TMC4: variants seen among roughly 807,000 people sequenced by gnomAD.
TMC4 encodes transmembrane channel like 4, also known as voltage-gated chloride channel TMC4.
In TMC4, 70 loss-of-function variants were observed where a neutral mutation model predicts 82.0. The observed-to-expected ratio is 0.85, with a 90% CI of 0.70 to 1.04. The LOEUF (loss-of-function observed/expected upper bound fraction) is 1.04. TMC4 is among the 50% of genes least tolerant of loss of function. The probability of loss-of-function intolerance (pLI) is 0.00; values close to 1 mark genes in which losing one functional copy is unlikely to be tolerated. For missense variants in TMC4, 879 were observed against 899.0 expected (o/e 0.98, Z 0.28); for synonymous variants, 446 against 406.0 (o/e 1.10, Z -1.18).
At chr19:54,160,659 A>G in intron 13 of TMC4, 114 bp from the exon 14 acceptor site, 5 of 1,539,354 alleles carry the variant, frequency 3.2e-6, no homozygotes, top group African/African-American at 1.4e-5. Flanking sequence ...GTCTGGGCTC[A>G]AGGAGTTCAG....
rs940038411 is a variant in TMC4 at position 54,160,297 on chromosome 19, C to G, written c.*9G>C. On this transcript the variant is annotated 3_prime_UTR_variant, in exon 15 of 15. Coordinates refer to ENST00000619895, the MANE Select transcript of TMC4 (RefSeq NM_144686.4). Reference sequence around the variant, plus strand: ...CTGGGGTCTGAAAGCGGGACGTGGGCTGCGGGGGTCAAAGAGCCGGTTTGG... The same window carrying G: ...CTGGGGTCTGAAAGCGGGACGTGGGGTGCGGGGGTCAAAGAGCCGGTTTGG... The G allele has an allele frequency of 1.3e-6, 2 of 1,515,426 alleles. No individual in the cohort carries two copies. Among genetic ancestry groups the G allele is most frequent in the Non-Finnish European group, 1.8e-6 (2 of 1,133,002 alleles). The allele number at this position is 1,515,426 out of a possible 1,614,324, so 93.9% of individuals were successfully genotyped here.
At chr19:54,166,812 G>A (rs1188274806) in intron 5 of TMC4, among the ~76,000 whole-genome samples, 1 of 152,154 alleles carries the variant, frequency 6.6e-6, no homozygotes, top group African/African-American at 2.4e-5. Context: ...AATTAGCCGG[G>A]CATGGTGGCA....
At chr19:54,162,039 G>A (rs2075567102) in intron 11 of TMC4, 63 bp downstream of exon 11, 2 of 1,440,804 alleles carry the variant, frequency 1.4e-6, no homozygotes, top group African/African-American at 2.9e-5. Flanking sequence ...CCTTGCCCTT[G>A]ACCCAGGAGT....
At chr19:54,160,601 C>T (rs1211084568) in intron 13 of TMC4, 56 bp from the exon 14 acceptor site, 4 of 1,611,802 alleles carry the variant, frequency 2.5e-6, no homozygotes, top group Non-Finnish European at 3.4e-6. Context: ...TATATCCAAA[C>T]GTCTGGCTCC....
At chr19:54,161,379 G>C in intron 11 of TMC4, 119 bp from the exon 12 acceptor site, 1 of 1,193,012 alleles carries the variant, frequency 8.4e-7, no homozygotes, top group Non-Finnish European at 1.1e-6. Flanking sequence ...TTTTTTTTGA[G>C]ACAGAGTCTC....
At chr19:54,168,894 TCC>T (rs2075796210) in intron 3 of TMC4, among the ~76,000 whole-genome samples, 3 of 31,838 alleles carry the variant, frequency 9.4e-5, no homozygotes, top group African/African-American at 5.1e-4. Flanking sequence ...TTTCTTTCTT[TCC>T]TTTCTTTCTT....
chr19:54,167,188 C>T (rs182858727), intron 5 of TMC4, among the ~76,000 whole-genome samples: 4 of 152,166 alleles, frequency 2.6e-5, no homozygotes, highest in Non-Finnish European at 5.9e-5. Context: ...AGTTGAGTTC[C>T]GGAGGCCCAG....
rs1480413711 is a variant in TMC4, at chr19:54,169,523, T to C, written c.431A>G (p.Lys144Arg). ...AAACCCCACCGCACCCCCGATCCTC[T>C]TCAGTGTCCACGCCCAGGGCTGCAG... ...RSLQPWAWTLKRIGGQFGAGT... is the reference protein window; with the variant it reads ...RSLQPWAWTLRRIGGQFGAGT... The change falls in exon 3 of 15, where the codon AAG (lysine) becomes AGG (arginine). Residue 144 changes from lysine to arginine, a missense_variant. Coordinates refer to ENST00000619895, the MANE Select transcript of TMC4 (RefSeq NM_144686.4). 4 of 1,612,186 alleles carry C rather than the reference T, an allele frequency of 2.5e-6. No individual in the cohort carries two copies. In the African/African-American group the frequency reaches 5.4e-5, roughly 22 times the overall value.
At chr19:54,169,977 T>C (rs1316361213) in intron 2 of TMC4, among the ~76,000 whole-genome samples, 1 of 150,692 alleles carries the variant, frequency 6.6e-6, no homozygotes, top group Non-Finnish European at 1.5e-5. Flanking sequence ...GGCGGGTGCC[T>C]GTAATCCCAG....
intron 7 of TMC4, among the ~76,000 whole-genome samples, chr19:54,164,163 CTG>C (rs1346933455): frequency 6.6e-6 from 1 of 151,750 alleles, no homozygotes; most frequent in Non-Finnish European, 1.5e-5. Context: ...TTAGTAGAGA[CTG>C]TTTTTCACCA....
rs949391821 is a variant in TMC4, at chr19:54,168,642, G to A, written c.481C>T (p.Leu161=). The part of the protein sequence containing the change: ...GAGTESYFSL[L]RFLLLLNVLA... ...ACGTTAAGAAGGAGCAGGAAGCGCA[G>A]CAGGGAGAAGTAGGACTCCGTGCCG... is the stretch of plus-strand genomic sequence containing the variant. Residue 161 remains leucine (L), a synonymous_variant, in exon 4 of 15, where the codon CTG becomes TTG. Coordinates refer to ENST00000619895, the MANE Select transcript of TMC4 (RefSeq NM_144686.4). The A allele has an allele frequency of 3.8e-6, 6 of 1,583,858 alleles. No individual in the cohort carries two copies. The highest frequency in any genetic ancestry group is 3.5e-5 in the South Asian group (3 of 86,698).
At chr19:54,170,679 C>G (rs2075861163) in intron 2 of TMC4, among the ~76,000 whole-genome samples, 1 of 151,990 alleles carries the variant, frequency 6.6e-6, no homozygotes, top group Non-Finnish European at 1.5e-5. Flanking sequence ...GTTGTCCAGG[C>G]TGGAGTGCGG....
At chr19:54,166,252 G>A (rs999132717) in intron 5 of TMC4, among the ~76,000 whole-genome samples, 13 of 149,772 alleles carry the variant, frequency 8.7e-5, no homozygotes, top group Middle Eastern at 3.6e-3. Flanking sequence ...GGTGGTGCAT[G>A]CCTGTAATCC....
chr19:54,165,458 G>C lies in TMC4; in HGVS notation c.906C>G (p.His302Gln), dbSNP rs201969410. Reference sequence around the variant, plus strand: ...AGATGATGCGCTGGCGCAGCCGCACGTGGACGTCCCCGCAGAGACCGAAGT... The same window carrying C: ...AGATGATGCGCTGGCGCAGCCGCACCTGGACGTCCCCGCAGAGACCGAAGT... ...AWDFGLCGDV[H>Q]VRLRQRIILY... is the part of the protein sequence containing the mutation. The change falls in exon 6 of 15, where the codon CAC becomes CAG. Residue 302 changes from histidine (H) to glutamine (Q), a missense_variant. By Grantham distance (24) the His-to-Gln change is conservative. Coordinates refer to ENST00000619895, the MANE Select transcript of TMC4 (RefSeq NM_144686.4). The C allele has an allele frequency of 1.9e-6, 3 of 1,611,080 alleles. No homozygotes were observed. Among genetic ancestry groups the C allele is most frequent in the Non-Finnish European group, 2.5e-6 (3 of 1,177,876 alleles).
chr19:54,163,406 G>A, intron 8 of TMC4: 1 of 628,292 alleles, frequency 1.6e-6, no homozygotes. Flanking sequence ...CACCTCCCAG[G>A]CTCGAGCCAT....
At chr19:54,165,809 C>T (rs2075689017) in intron 5 of TMC4, among the ~76,000 whole-genome samples, 1 of 151,978 alleles carries the variant, frequency 6.6e-6, no homozygotes, top group East Asian at 1.9e-4. Context: ...AGGCAGAAAC[C>T]TAGGAGACAG....
Position 54,168,611 on chromosome 19 carries a change from G to A in TMC4, c.512C>T (p.Ala171Val), listed in dbSNP as rs1188045009. The A allele has an allele frequency of 6.3e-7, 1 of 1,596,422 alleles. No homozygotes were observed. Among genetic ancestry groups the A allele is most frequent in the South Asian group, 1.1e-5 (1 of 88,112 alleles). The part of the protein sequence containing the change: ...LRFLLLLNVL[A>V]SVLMACMTLL... ...CGTCATGCAGGCCATGAGCACAGAG[G>A]CCAGCACGTTAAGAAGGAGCAGGAA... Residue 171 changes from alanine to valine, a missense_variant, in exon 4 of 15, where the codon GCC becomes GTC. By Grantham distance (64) the Ala-to-Val change is moderately conservative. Coordinates refer to ENST00000619895, the MANE Select transcript of TMC4 (RefSeq NM_144686.4).
In TMC4 at chr19:54,162,389, TGGGGG is replaced by T. The variant is rs779701144; in HGVS notation, c.1503-109_1503-105del. On this transcript the variant is annotated intron_variant, in intron 10 of 14. Coordinates refer to ENST00000619895, the MANE Select transcript of TMC4 (RefSeq NM_144686.4). ...CAATAGGAAGCATGCGTATTGGTGG[TGGGGG>T]GGGGGGGGGCGGGACTTTCAGGACT... 191 of 255,556 alleles carry T rather than the reference TGGGGG, an allele frequency of 7.5e-4. 2 individuals carry two copies. Among genetic ancestry groups the T allele is most frequent in the South Asian group, 6.8e-3 (168 of 24,668 alleles). The allele number at this position is 255,556 out of a possible 1,614,324, so 15.8% of individuals were successfully genotyped here.
chr19:54,169,652 T>A lies in TMC4; in HGVS notation c.302A>T (p.Asn101Ile), dbSNP rs772496275. 1.9e-6 allele frequency: 3 copies of A among 1,613,192 alleles called. No homozygotes were observed. In the South Asian group the frequency reaches 3.3e-5, roughly 18 times the overall value. The change falls in exon 3 of 15, where the codon AAT becomes ATT. Residue 101 changes from asparagine to isoleucine, a missense_variant. Coordinates refer to ENST00000619895, the MANE Select transcript of TMC4 (RefSeq NM_144686.4). ...MQARRAHRQR[N>I]ASRDQVVYGS... is the part of the protein sequence containing the mutation. ...ATAGACCACCTGGTCCCTGCTGGCA[T>A]TTCTTTGCCTGGGAGGGAAACAGGC...
Sources: gnomAD v4.1 joint callset for allele counts (sites outside exome capture counted in the v4.1 genomes callset) on GRCh38, gnomAD v4.1.1 for gene constraint, MANE v1.5 for transcripts, NCBI Gene and HGNC (gene_info 2026-07-23, HGNC 2026-07-21) for gene names.